PTGFR: variants seen among roughly 807,000 people sequenced by gnomAD.
PTGFR encodes prostaglandin F2-alpha receptor.
A neutral mutation model predicts 26.2 loss-of-function variants in PTGFR; 15 were observed. The ratio of observed to expected loss-of-function variants is 0.57; its 90% CI spans 0.38 to 0.88. PTGFR has a LOEUF of 0.88. PTGFR is among the 40% of genes least tolerant of loss of function. The probability of loss-of-function intolerance (pLI) is 0.00; values close to 1 mark genes in which losing one functional copy is unlikely to be tolerated. For synonymous variants in PTGFR, 165 were observed against 151.1 expected (o/e 1.09, Z -0.68); for missense variants, 369 against 427.2 (o/e 0.86, Z 1.20).
chr1:78,507,190 A>C (rs998227636), intron 2 of PTGFR, among the ~76,000 whole-genome samples: 1 of 152,190 alleles, frequency 6.6e-6, no homozygotes, highest in Non-Finnish European at 1.5e-5. Flanking sequence ...TGGGTTTAGT[A>C]TCAGAGTTTA....
At chr1:78,513,098 AAC>A (rs1293785927) in intron 2 of PTGFR, among the ~76,000 whole-genome samples, 3 of 152,210 alleles carry the variant, frequency 2.0e-5, no homozygotes, top group African/African-American at 7.2e-5. Context: ...AGAAAGGACT[AAC>A]ACAGAAAATT....
intron 2 of PTGFR, among the ~76,000 whole-genome samples, chr1:78,518,464 T>C (rs1261310612): frequency 6.6e-6 from 1 of 152,034 alleles, no homozygotes; most frequent in Non-Finnish European, 1.5e-5. Context: ...CCAATTGTTC[T>C]ATTTCTTGAC....
chr1:78,493,194 C>G lies in PTGFR; in HGVS notation c.451C>G (p.His151Asp), dbSNP rs375003751. ...TCATTCTACGAAAATTACATCCAAA[C>G]ATGTGAAAATGATGTTAAGTGGTGT... is the stretch of plus-strand genomic sequence containing the variant. ...IFHSTKITSK[H>D]VKMMLSGVCL... Residue 151 changes from histidine (H) to aspartate (D), a missense_variant, in exon 2 of 3, where the codon CAT becomes GAT. Coordinates refer to ENST00000370757, the MANE Select transcript of PTGFR (RefSeq NM_000959.4). 2 of 1,614,146 alleles carry G rather than the reference C, an allele frequency of 1.2e-6. No individual in the cohort carries two copies. Among genetic ancestry groups the G allele is most frequent in the Non-Finnish European group, 1.7e-6 (2 of 1,180,038 alleles).
intron 2 of PTGFR, among the ~76,000 whole-genome samples, chr1:78,495,884 T>G (rs1185553615): frequency 6.6e-6 from 1 of 152,248 alleles, no homozygotes; most frequent in Non-Finnish European, 1.5e-5. Flanking sequence ...AAGTTTCACT[T>G]TTACAGAACA....
At chr1:78,497,494 A>G (rs975012099) in intron 2 of PTGFR, among the ~76,000 whole-genome samples, 1 of 152,208 alleles carries the variant, frequency 6.6e-6, no homozygotes, top group African/African-American at 2.4e-5. Flanking sequence ...GAGATTCACC[A>G]GCACTTTTGA....
Position 78,539,663 on chromosome 1 carries a change from C to T in PTGFR, c.*2976C>T, listed in dbSNP as rs546165095. On this transcript the variant is annotated 3_prime_UTR_variant, in exon 3 of 3. Transcript: ENST00000370757. Reference sequence around the variant, plus strand: ...AGTGATATGTATATTTTGTTGTTTGCTTTGGTATGCAACTCATGTAATTTT... The same window carrying T: ...AGTGATATGTATATTTTGTTGTTTGTTTTGGTATGCAACTCATGTAATTTT... The T allele has an allele frequency of 2.0e-5, 3 of 152,382 alleles. No homozygotes were observed. Among genetic ancestry groups the T allele is most frequent in the African/African-American group, 7.2e-5 (3 of 41,390 alleles). The allele number at this position is 152,382 out of a possible 1,614,324, so 9.4% of individuals were successfully genotyped here. A position where few individuals can be genotyped will look rare whatever the true frequency, so the allele number is the denominator to read the frequency against.
At chr1:78,536,300 ACT>A in intron 2 of PTGFR, 104 bp from the exon 3 acceptor site, 1 of 1,076,798 alleles carries the variant, frequency 9.3e-7, no homozygotes, top group Non-Finnish European at 1.3e-6. Context: ...CAATAGCATC[ACT>A]CTGTGGAAAG....
At chr1:78,532,767 ACT>A (rs1298542793) in intron 2 of PTGFR, among the ~76,000 whole-genome samples, 1 of 151,728 alleles carries the variant, frequency 6.6e-6, no homozygotes, top group Non-Finnish European at 1.5e-5. Flanking sequence ...CAGATATGTC[ACT>A]GTAACTCCGT....
chr1:78,532,953 A>G (rs75428567), intron 2 of PTGFR, among the ~76,000 whole-genome samples: 3,208 of 152,282 alleles, frequency 0.021, 38 homozygotes, highest in Middle Eastern at 0.068. Flanking sequence ...GGAAATATAT[A>G]AGGCTAATGT....
intron 2 of PTGFR, among the ~76,000 whole-genome samples, chr1:78,521,731 T>C (rs1361453421): frequency 1.3e-5 from 2 of 152,126 alleles, no homozygotes; most frequent in African/African-American, 4.8e-5. Context: ...TAAACGGTAG[T>C]AGTAATAGTG....
rs1163791887 is a variant in PTGFR at position 78,537,761 on chromosome 1, G to C, written c.*1074G>C. ...CTAAAGCCTGTGCTACCAGTACTAAGAGGGGAAGACTGGCAATTTGCCAAG... is the reference window on the plus strand; with the variant it reads ...CTAAAGCCTGTGCTACCAGTACTAACAGGGGAAGACTGGCAATTTGCCAAG... On this transcript the variant is annotated 3_prime_UTR_variant, in exon 3 of 3. Transcript: ENST00000370757. 1 of 152,106 alleles carries C rather than the reference G, an allele frequency of 6.6e-6. No individual in the cohort carries two copies. Among genetic ancestry groups the C allele is most frequent in the Non-Finnish European group, 1.5e-5 (1 of 67,998 alleles). The allele number at this position is 152,106 out of a possible 1,614,324, so 9.4% of individuals were successfully genotyped here. A position where few individuals can be genotyped will look rare whatever the true frequency, so the allele number is the denominator to read the frequency against.
intron 2 of PTGFR, among the ~76,000 whole-genome samples, chr1:78,506,020 A>G (rs1322256824): frequency 6.6e-6 from 1 of 152,176 alleles, no homozygotes; most frequent in African/African-American, 2.4e-5. Flanking sequence ...AAGTTTTTGA[A>G]CACCTGTTTA....
At chr1:78,492,563 G>A (rs1266261930) in intron 1 of PTGFR, 109 bp from the exon 2 acceptor site, 1 of 592,048 alleles carries the variant, frequency 1.7e-6, no homozygotes, top group Admixed American at 3.2e-5. Flanking sequence ...CCTTGCTTAT[G>A]ATAGGCCAGA....
At chr1:78,504,717 T>C (rs1306545121) in intron 2 of PTGFR, among the ~76,000 whole-genome samples, 1 of 152,200 alleles carries the variant, frequency 6.6e-6, no homozygotes, top group African/African-American at 2.4e-5. Context: ...TTTTAATACA[T>C]TTATGACTTA....
rs79652356 is a variant in PTGFR, at chr1:78,537,067, G to A, written c.*380G>A. 1 of 176,520 alleles carries A rather than the reference G, an allele frequency of 5.7e-6. No homozygotes were observed. Among genetic ancestry groups the A allele is most frequent in the Non-Finnish European group, 1.2e-5 (1 of 84,644 alleles). The allele number at this position is 176,520 out of a possible 1,614,324, so 10.9% of individuals were successfully genotyped here. ...GTGAAATGGTTATTTTGAGATCACC[G>A]CTCTGTAGCTAACCCTTATAAACTA... On this transcript the variant is annotated 3_prime_UTR_variant, in exon 3 of 3. Coordinates refer to ENST00000370757, the MANE Select transcript of PTGFR (RefSeq NM_000959.4).
chr1:78,510,440 G>T, intron 2 of PTGFR, among the ~76,000 whole-genome samples: 1 of 152,172 alleles, frequency 6.6e-6, no homozygotes. Flanking sequence ...GAGGAAGGGA[G>T]GTGCACACTC....
chr1:78,510,885 A>G (rs6701594), intron 2 of PTGFR, among the ~76,000 whole-genome samples: 115,632 of 152,152 alleles, frequency 0.76, 44,476 homozygotes, highest in African/African-American at 0.89. Flanking sequence ...TAGGCTAAAA[A>G]AAAGAGACAA....
chr1:78,494,687 C>CCTCCG (rs1304160167), intron 2 of PTGFR, among the ~76,000 whole-genome samples: 1 of 152,152 alleles, frequency 6.6e-6, no homozygotes, highest in African/African-American at 2.4e-5. Flanking sequence ...CTTATTGCAA[C>CCTCCG]CTCCGCCTCC....
Position 78,536,627 on chromosome 1 carries a change from T to A in PTGFR, c.1020T>A (p.Asn340Lys). ...TTTGGGAGCTTAGTTCCATTAAAAA[T>A]TCCTTAAAGGTTGCTGCTATTTCTG... Reference protein sequence around the residue: ...LHIWELSSIKNSLKVAAISES... With the variant: ...LHIWELSSIKKSLKVAAISES... Residue 340 changes from asparagine (N) to lysine (K), a missense_variant, in exon 3 of 3, where the codon AAT (asparagine) becomes AAA (lysine). Coordinates refer to ENST00000370757, the MANE Select transcript of PTGFR (RefSeq NM_000959.4). The A allele has an allele frequency of 6.2e-7, 1 of 1,613,214 alleles. No individual in the cohort carries two copies. Among genetic ancestry groups the A allele is most frequent in the Non-Finnish European group, 8.5e-7 (1 of 1,179,538 alleles).
Sources: gnomAD v4.1 joint callset for allele counts (sites outside exome capture counted in the v4.1 genomes callset) on GRCh38, gnomAD v4.1.1 for gene constraint, MANE v1.5 for transcripts, NCBI Gene and HGNC (gene_info 2026-07-23, HGNC 2026-07-21) for gene names.